TBCA: variants seen among roughly 807,000 people sequenced by gnomAD.
TBCA encodes tubulin-specific chaperone A.
A neutral mutation model predicts 15.8 loss-of-function variants in TBCA; 6 were observed. The observed-to-expected ratio is 0.38, with a 90% CI of 0.21 to 0.75. TBCA has a LOEUF of 0.75. Ranked by LOEUF, TBCA falls within the 30% of genes least tolerant of loss-of-function variation. TBCA has a pLI of 0.46. For synonymous variants in TBCA, 32 were observed against 42.3 expected (o/e 0.76, Z 0.94); for missense variants, 90 against 131.2 (o/e 0.69, Z 1.53).
chr5:77,739,959 G>C (rs1249546549), intron 1 of TBCA, among the ~76,000 whole-genome samples: 8 of 152,146 alleles, frequency 5.3e-5, no homozygotes, highest in Non-Finnish European at 8.8e-5. Context: ...GTGGGGCTAG[G>C]GGAGGGCTAT....
rs368802847 is a variant in TBCA at position 77,693,306 on chromosome 5, C to A, written c.206G>T (p.Arg69Leu). 1 of 1,613,686 alleles carries A rather than the reference C, an allele frequency of 6.2e-7. No homozygotes were observed. The highest frequency in any genetic ancestry group is 8.5e-7 in the Non-Finnish European group (1 of 1,179,926). ...ATCCAAATATGCGGCTTCCAACCTG[C>A]GCTGGCAATCTGGGATCATCATCCT... ...ESRMMIPDCQ[R>L]RLEAAYLDLQ... The change falls in exon 3 of 4, where the codon CGC becomes CTC. Residue 69 changes from arginine to leucine, a missense_variant. Transcript: ENST00000380377.
intron 1 of TBCA, among the ~76,000 whole-genome samples, chr5:77,732,550 CAAAAAAAAAAA>C (rs35780694): frequency 5.6e-5 from 5 of 89,490 alleles, no homozygotes; most frequent in Admixed American, 1.2e-4. Context: ...GACTCTGTCT[CAAAAAAAAAAA>C]AAAAAAAAAA....
At chr5:77,767,108 A>T (rs1747797029) in intron 1 of TBCA, among the ~76,000 whole-genome samples, 1 of 152,256 alleles carries the variant, frequency 6.6e-6, no homozygotes, top group Non-Finnish European at 1.5e-5. Flanking sequence ...GTAAGTTCAA[A>T]TACACTTCAG....
In TBCA at chr5:77,693,357, A is replaced by C. The variant is rs372425933; in HGVS notation, c.160-5T>G. 58 of 1,608,386 alleles carry C rather than the reference A, an allele frequency of 3.6e-5. No individual in the cohort carries two copies. Among genetic ancestry groups the C allele is most frequent in the Non-Finnish European group, 4.6e-5 (54 of 1,178,366 alleles). ...GGATTCTTGTAGGATCTCTGCCTAG[A>C]ATGAGAATCTCTGTGAGACGTTCAA... is the stretch of plus-strand genomic sequence containing the variant. On this transcript the variant is annotated splice_polypyrimidine_tract_variant and splice_region_variant and intron_variant, in intron 2 of 3. Coordinates refer to ENST00000380377, the MANE Select transcript of TBCA (RefSeq NM_004607.3).
intron 1 of TBCA, among the ~76,000 whole-genome samples, chr5:77,710,973 A>T (rs1464372911): frequency 6.6e-6 from 1 of 152,212 alleles, no homozygotes; most frequent in East Asian, 1.9e-4. Flanking sequence ...AGTAGCTGGA[A>T]TTGGATAGGC....
intron 1 of TBCA, among the ~76,000 whole-genome samples, chr5:77,756,128 G>A (rs1361062625): frequency 1.3e-5 from 2 of 152,136 alleles, no homozygotes; most frequent in African/African-American, 2.4e-5. Flanking sequence ...GAACCAGACC[G>A]CAGCCTAGGA....
chr5:77,718,713 C>A (rs1746463058), intron 1 of TBCA, among the ~76,000 whole-genome samples: 1 of 152,132 alleles, frequency 6.6e-6, no homozygotes. Context: ...TAAGGAAGAA[C>A]CTGCTACAGT....
intron 1 of TBCA, among the ~76,000 whole-genome samples, chr5:77,768,181 T>C (rs964928093): frequency 6.6e-6 from 1 of 152,242 alleles, no homozygotes; most frequent in Admixed American, 6.5e-5. Flanking sequence ...TATTTTTTTA[T>C]AGCAGCACAA....
At chr5:77,703,877 G>A (rs1746080573) in intron 2 of TBCA, among the ~76,000 whole-genome samples, 1 of 152,152 alleles carries the variant, frequency 6.6e-6, no homozygotes, top group Non-Finnish European at 1.5e-5. Context: ...GGACCTGGTG[G>A]GAGGTGATTG....
At chr5:77,714,489 A>G (rs531619496) in intron 1 of TBCA, among the ~76,000 whole-genome samples, 52 of 152,196 alleles carry the variant, frequency 3.4e-4, no homozygotes, top group Non-Finnish European at 6.2e-4. Flanking sequence ...AGAGAAAATG[A>G]TTTATAACCT....
At chr5:77,767,746 A>T (rs1394621831) in intron 1 of TBCA, among the ~76,000 whole-genome samples, 1 of 152,256 alleles carries the variant, frequency 6.6e-6, no homozygotes, top group Non-Finnish European at 1.5e-5. Context: ...ATCAAAGCCA[A>T]GTTCCAGGGT....
At chr5:77,738,863 G>A (rs1011087742) in intron 1 of TBCA, among the ~76,000 whole-genome samples, 5 of 152,004 alleles carry the variant, frequency 3.3e-5, no homozygotes, top group East Asian at 3.9e-4. Flanking sequence ...GATTACAGGC[G>A]TGAGCCACTG....
intron 1 of TBCA, among the ~76,000 whole-genome samples, chr5:77,763,167 C>T (rs747360253): frequency 7.2e-5 from 11 of 152,048 alleles, no homozygotes; most frequent in Non-Finnish European, 1.0e-4. Context: ...TGGCGTGAAC[C>T]CGGGAGGCGG....
intron 1 of TBCA, among the ~76,000 whole-genome samples, chr5:77,764,064 G>C (rs1435423563): frequency 6.6e-6 from 1 of 152,160 alleles, no homozygotes; most frequent in African/African-American, 2.4e-5. Context: ...CTGCACCTAA[G>C]AGTAAAAATT....
chr5:77,715,386 G>A (rs898932453), intron 1 of TBCA: 8 of 649,450 alleles, frequency 1.2e-5, no homozygotes, highest in African/African-American at 1.8e-5. Flanking sequence ...TCTAAATGAG[G>A]ATCTTAGTGT....
chr5:77,763,296 AT>A (rs1451729962), intron 1 of TBCA, among the ~76,000 whole-genome samples: 5 of 152,032 alleles, frequency 3.3e-5, no homozygotes, highest in African/African-American at 7.2e-5. Flanking sequence ...AAGCAAAACA[AT>A]TTTTTTCCAA....
At chr5:77,708,379 T>A in intron 1 of TBCA, 32 bp from the exon 2 acceptor site, 1 of 1,345,518 alleles carries the variant, frequency 7.4e-7, no homozygotes, top group Non-Finnish European at 1.1e-6. Flanking sequence ...TTTAGAAAAT[T>A]AGCTTTCTCT....
intron 1 of TBCA, among the ~76,000 whole-genome samples, chr5:77,734,603 G>C (rs1746853146): frequency 6.6e-6 from 1 of 152,176 alleles, no homozygotes. Context: ...ACTCCTTATG[G>C]ATAAGCAAAG....
chr5:77,715,558 C>T (rs1306120223), intron 1 of TBCA, among the ~76,000 whole-genome samples: 1 of 151,684 alleles, frequency 6.6e-6, no homozygotes, highest in African/African-American at 2.4e-5. Flanking sequence ...CCTCATCCCC[C>T]TGACACACAC....
Sources: gnomAD v4.1 joint callset for allele counts (sites outside exome capture counted in the v4.1 genomes callset) on GRCh38, gnomAD v4.1.1 for gene constraint, MANE v1.5 for transcripts, NCBI Gene and HGNC (gene_info 2026-07-23, HGNC 2026-07-21) for gene names.